CCDC9: variants seen among roughly 807,000 people sequenced by gnomAD.
The protein encoded by CCDC9 is coiled-coil domain containing 9, also known as coiled-coil domain-containing protein 9.
In CCDC9, 52 loss-of-function variants were observed where a neutral mutation model predicts 65.6. The ratio of observed to expected loss-of-function variants is 0.79; its 90% CI spans 0.63 to 1.00. The LOEUF (loss-of-function observed/expected upper bound fraction) is 1.00. Among genes scored for constraint, CCDC9 ranks in the 50% least tolerant of loss-of-function variants. The pLI is 0.00. For missense variants in CCDC9, 834 were observed against 757.2 expected (o/e 1.10, Z -1.19); for synonymous variants, 332 against 280.3 (o/e 1.18, Z -1.84).
chr19:47,266,439 TAGG>T, intron 7 of CCDC9, 169 bp from the exon 8 acceptor site: 1 of 940,800 alleles, frequency 1.1e-6, no homozygotes, highest in Non-Finnish European at 1.5e-6. Flanking sequence ...GGATGCTACT[TAGG>T]AGATCTGAGA....
At chr19:47,263,128 C>G (rs1413769179) in intron 5 of CCDC9, among the ~76,000 whole-genome samples, 1 of 151,648 alleles carries the variant, frequency 6.6e-6, no homozygotes, top group East Asian at 1.9e-4. Context: ...TAAATTTTTG[C>G]TACCATGGAA....
chr19:47,270,383 G>A (rs781766879), intron 8 of CCDC9, 24 bp from the exon 9 acceptor site: 25 of 1,612,916 alleles, frequency 1.5e-5, no homozygotes, highest in East Asian at 1.1e-4. Context: ...CCAGCTGCCC[G>A]CTCACCCGTT....
chr19:47,263,785 C>T (rs967983731), intron 5 of CCDC9, among the ~76,000 whole-genome samples: 14 of 151,974 alleles, frequency 9.2e-5, no homozygotes, highest in Admixed American at 3.3e-4. Context: ...AGGCTGGTCT[C>T]GAACTCCTGA....
In CCDC9 at chr19:47,262,919, C is replaced by G. The variant is rs932732849; in HGVS notation, c.463-1684C>G. 7.2e-5 allele frequency among the ~76,000 whole-genome samples: 11 copies of G among 151,912 alleles called. 1 individual carries two copies. Among genetic ancestry groups the G allele is most frequent in the African/African-American group, 2.4e-4 (10 of 41,336 alleles). On this transcript the variant is annotated intron_variant, in intron 5 of 11. Coordinates refer to ENST00000221922, the MANE Select transcript of CCDC9 (RefSeq NM_015603.3). ...TGGGCAACAGAGTGAGACCCCATCTCTATAAAAATTTTAAAAATTAACTGG... is the reference window on the plus strand; with the variant it reads ...TGGGCAACAGAGTGAGACCCCATCTGTATAAAAATTTTAAAAATTAACTGG...
At chr19:47,263,202 T>C (rs2059057001) in intron 5 of CCDC9, among the ~76,000 whole-genome samples, 1 of 152,106 alleles carries the variant, frequency 6.6e-6, no homozygotes, top group South Asian at 2.1e-4. Flanking sequence ...GCCAAGTAAT[T>C]ACTGTTATTA....
At position 47,271,168 on chromosome 19, in the gene CCDC9, C is replaced by G. The variant is rs1255588912; in HGVS notation, c.1172C>G (p.Pro391Arg). ...CAGCCTACTTCCCCCGAGACTTCCC[C>G]CAAGGAGACACCCATGCAGGTGAGG... ...TPQPTSPETS[P>R]KETPMQPPEI... The change falls in exon 11 of 12, where the codon CCC (proline) becomes CGC (arginine). Residue 391 changes from proline to arginine, a missense_variant. By Grantham distance (103) the Pro-to-Arg change is moderately radical. Transcript: ENST00000221922. 1.3e-6 allele frequency: 2 copies of G among 1,598,008 alleles called. No individual in the cohort carries two copies. Among genetic ancestry groups the G allele is most frequent in the Non-Finnish European group, 1.7e-6 (2 of 1,173,820 alleles).
downstream of CCDC9, chr19:47,275,328 G>GA (rs1177679209): frequency 1.3e-6 from 2 of 1,545,718 alleles, no homozygotes; most frequent in Non-Finnish European, 1.7e-6. Context: ...AGAGGCCGCG[G>GA]AGGGGCGAAG....
chr19:47,258,201 A>G, intron 1 of CCDC9, 129 bp from the exon 2 acceptor site: 1 of 610,242 alleles, frequency 1.6e-6, no homozygotes, highest in East Asian at 2.7e-5. Context: ...AAGGAGGGAG[A>G]GTGAGGGCTA....
At chr19:47,274,923 CG>C, downstream of CCDC9, 6 of 1,292,892 alleles carry the variant, frequency 4.6e-6, no homozygotes, top group South Asian at 2.2e-5. Flanking sequence ...TGCGGGGATG[CG>C]GGGGACCAGC....
chr19:47,260,994 C>T (rs1297215179), intron 5 of CCDC9, among the ~76,000 whole-genome samples, 155 bp downstream of exon 5: 1 of 152,094 alleles, frequency 6.6e-6, no homozygotes, highest in Non-Finnish European at 1.5e-5. Context: ...CTTCCTCCAC[C>T]TCCTTCTCCT....
intron 5 of CCDC9, 131 bp downstream of exon 5, chr19:47,260,970 GGC>G: frequency 9.2e-7 from 1 of 1,086,850 alleles, no homozygotes; most frequent in South Asian, 1.6e-5. Context: ...CTTTGCATCT[GGC>G]TCTGTTTCTC....
chr19:47,267,635 C>T (rs1265993111), intron 8 of CCDC9, among the ~76,000 whole-genome samples: 5 of 152,140 alleles, frequency 3.3e-5, no homozygotes, highest in East Asian at 1.9e-4. Flanking sequence ...CAGTTGTGTT[C>T]GCCAGCACAC....
rs1484144534 is a variant in CCDC9, at chr19:47,271,730, TGTGCGCGCGCGCGCGCGC to T, written c.*54_*71del. ...GTGTGTGTGTGTGTGTGTGTGTGTG[TGTGCGCGCGCGCGCGCGC>T]GCGCGCGCGCGCTAGAGGGGTGTGG... On this transcript the variant is annotated 3_prime_UTR_variant, in exon 12 of 12. Transcript: ENST00000221922. 1,025 of 672,006 alleles carry T rather than the reference TGTGCGCGCGCGCGCGCGC, an allele frequency of 1.5e-3. 2 individuals carry two copies. The African/African-American group carries it at 0.03, about 20-fold the overall frequency. The allele number at this position is 672,006 out of a possible 1,614,324, so 41.6% of individuals were successfully genotyped here. A position where few individuals can be genotyped will look rare whatever the true frequency, so the allele number is the denominator to read the frequency against.
chr19:47,272,065 C>T (rs557110780), downstream of CCDC9: 11 of 1,236,598 alleles, frequency 8.9e-6, no homozygotes, highest in African/African-American at 1.1e-4. Context: ...CTCCCCTTCC[C>T]TAGGAGGTGG....
At chr19:47,267,259 C>T (rs897097477) in intron 8 of CCDC9, among the ~76,000 whole-genome samples, 13 of 151,906 alleles carry the variant, frequency 8.6e-5, no homozygotes, top group Admixed American at 2.0e-4. Context: ...CCACCGCGCG[C>T]GGCCGAGCAT....
intron 5 of CCDC9, among the ~76,000 whole-genome samples, chr19:47,261,952 T>G (rs1274787693): frequency 1.3e-5 from 2 of 149,988 alleles, no homozygotes; most frequent in Non-Finnish European, 3.0e-5. Context: ...ACCTGGGAGG[T>G]GGAGGTTGCA....
At chr19:47,263,447 T>C (rs1341164939) in intron 5 of CCDC9, among the ~76,000 whole-genome samples, 1 of 152,222 alleles carries the variant, frequency 6.6e-6, no homozygotes, top group Non-Finnish European at 1.5e-5. Flanking sequence ...GCTGAATTCC[T>C]CCAGCACTGA....
At chr19:47,268,045 C>T (rs2059093960) in intron 8 of CCDC9, among the ~76,000 whole-genome samples, 1 of 152,092 alleles carries the variant, frequency 6.6e-6, no homozygotes, top group East Asian at 1.9e-4. Context: ...GGTGGGGTTT[C>T]ACCATGTTGG....
In CCDC9 at chr19:47,271,014, G is replaced by C. The variant is rs565598594; in HGVS notation, c.1086-68G>C. The C allele has an allele frequency of 1.0e-5, 12 of 1,192,742 alleles. No homozygotes were observed. The African/African-American group carries it at 1.1e-4, about 11-fold the overall frequency. The allele number at this position is 1,192,742 out of a possible 1,614,324, so 73.9% of individuals were successfully genotyped here. ...GGGCAGCTCCTCCCTAGGGAGGGTG[G>C]AGGCAGGAAGCCCCTTCCTCCTGTC... On this transcript the variant is annotated intron_variant, in intron 10 of 11. Coordinates refer to ENST00000221922, the MANE Select transcript of CCDC9 (RefSeq NM_015603.3).
Sources: gnomAD v4.1 joint callset for allele counts (sites outside exome capture counted in the v4.1 genomes callset) on GRCh38, gnomAD v4.1.1 for gene constraint, MANE v1.5 for transcripts, NCBI Gene and HGNC (gene_info 2026-07-23, HGNC 2026-07-21) for gene names.